TVP23A: variants seen among roughly 807,000 people sequenced by gnomAD.
TVP23A encodes the protein Golgi apparatus membrane protein TVP23 homolog A.
TVP23A carries 21 observed loss-of-function variants against 31.7 expected under a neutral mutation model. The observed-to-expected ratio is 0.66, with a 90% confidence interval of 0.47 to 0.95. The LOEUF is 0.95. Ranked by LOEUF, TVP23A falls within the 40% of genes least tolerant of loss-of-function variation. The pLI, the probability that TVP23A is intolerant of heterozygous loss-of-function variation, is 0.00. For synonymous variants in TVP23A, 104 were observed against 96.0 expected (o/e 1.08, Z -0.49); for missense variants, 279 against 255.6 (o/e 1.09, Z -0.62).
chr16:10,785,392 A>G lies in TVP23A; in HGVS notation c.90-10296T>C, dbSNP rs554278276. 1.9e-3 allele frequency among the ~76,000 whole-genome samples: 292 copies of G among 151,958 alleles called. 2 individuals are homozygous for G. Among genetic ancestry groups the G allele is most frequent in the Middle Eastern group, 6.8e-3 (2 of 294 alleles). ...GCACTCCAGCCTGGGTGACAGAGCA[A>G]GACTCCATCTCAAAAAAAAAAAGAG... On this transcript the variant is annotated intron_variant, in intron 2 of 7. Transcript: ENST00000299866.
Position 10,818,341 on chromosome 16 carries a change from A to C in TVP23A, c.9+144T>G. 7.2e-7 allele frequency: 1 copy of C among 1,385,644 alleles called. No homozygotes were observed. The highest frequency in any genetic ancestry group is 1.3e-5 in the South Asian group (1 of 78,176). 85.8% of individuals were successfully genotyped at this position (1,385,644 alleles called of 1,614,324 possible). ...CCCCTCCGCTGCGGCTGCAGTGCAA[A>C]GCCCTCTCCACCCTCCCGACCACCG... On this transcript the variant is annotated intron_variant, in intron 1 of 7. Transcript: ENST00000299866. This position sits in a 1 kb window ranked among gnomAD's most constrained non-coding sequence, Gnocchi z 4.7.
intron 2 of TVP23A, among the ~76,000 whole-genome samples, chr16:10,785,051 C>T (rs1286379316): frequency 6.7e-6 from 1 of 148,738 alleles, no homozygotes. Context: ...GTGCTGAGAT[C>T]ACAACACTAC....
chr16:10,815,256 A>C (rs2034387490), intron 2 of TVP23A, among the ~76,000 whole-genome samples: 1 of 152,124 alleles, frequency 6.6e-6, no homozygotes, highest in East Asian at 1.9e-4. Flanking sequence ...AACAAAAAAC[A>C]TAAAAATCAG....
chr16:10,811,869 A>C (rs1162438048), intron 2 of TVP23A, among the ~76,000 whole-genome samples: 1 of 144,774 alleles, frequency 6.9e-6, no homozygotes, highest in Non-Finnish European at 1.5e-5. Context: ...ACGCCACTGC[A>C]CTCCAGCCTG....
chr16:10,757,807 A>G, downstream of TVP23A: 3 of 1,572,056 alleles, frequency 1.9e-6, no homozygotes, highest in Non-Finnish European at 2.6e-6. This position sits in a 1 kb window ranked among gnomAD's most constrained non-coding sequence, Gnocchi z 4.1. Context: ...TTAAAAAAAA[A>G]AGAGGGAGTT....
chr16:10,780,081 C>A (rs1304636783), intron 2 of TVP23A, among the ~76,000 whole-genome samples: 1 of 147,548 alleles, frequency 6.8e-6, no homozygotes, highest in Admixed American at 6.9e-5. Flanking sequence ...GAGTGAGACT[C>A]CATCTCAAAA....
chr16:10,812,985 C>A (rs887096038), intron 2 of TVP23A, among the ~76,000 whole-genome samples: 5 of 152,012 alleles, frequency 3.3e-5, no homozygotes, highest in South Asian at 2.1e-4. Flanking sequence ...CTCTGTGTGC[C>A]CAGCTCTGCT....
intron 2 of TVP23A, among the ~76,000 whole-genome samples, chr16:10,778,467 C>A (rs1318677286): frequency 6.6e-6 from 1 of 152,162 alleles, no homozygotes; most frequent in East Asian, 1.9e-4. Context: ...TCCCTTGCCC[C>A]TGGAGATAAA....
intron 2 of TVP23A, among the ~76,000 whole-genome samples, chr16:10,816,901 AAAAG>A (rs938341301): frequency 6.7e-6 from 1 of 148,372 alleles, no homozygotes; most frequent in Non-Finnish European, 1.5e-5. Context: ...AAAATAAAAA[AAAAG>A]AAAGAGGCAC....
At position 10,784,560 on chromosome 16, in the gene TVP23A, C is replaced by CAA. The variant is rs372829313; in HGVS notation, c.90-9466_90-9465dup. 4.0e-3 allele frequency among the ~76,000 whole-genome samples: 562 copies of CAA among 140,262 alleles called. 7 individuals are homozygous for CAA. The highest frequency in any genetic ancestry group is 0.015 in the African/African-American group (519 of 35,114). The allele number at this position is 140,262 out of a possible 152,430, so 92.0% of individuals were successfully genotyped here. A position where few individuals can be genotyped will look rare whatever the true frequency, so the allele number is the denominator to read the frequency against. On this transcript the variant is annotated intron_variant, in intron 2 of 7. Transcript: ENST00000299866. The stretch of plus-strand genomic sequence containing the variant: ...TGGGCAACAGAGCAAGACCTTGTCT[C>CAA]AAAAAAAATAAATAAATAAAGAAGA...
Position 10,818,040 on chromosome 16 carries a change from G to A in TVP23A, c.89+63C>T, listed in dbSNP as rs535196885. On this transcript the variant is annotated intron_variant, in intron 2 of 7. Transcript: ENST00000299866. This position sits in a 1 kb window ranked among gnomAD's most constrained non-coding sequence, Gnocchi z 4.7. ...TGCTCAATATATTTTGAATGAATGA[G>A]TGAGTAAATGAATGAATTTGCAGCT... 1.5e-6 allele frequency: 2 copies of A among 1,353,170 alleles called. No homozygotes were observed. The highest frequency in any genetic ancestry group is 2.1e-6 in the Non-Finnish European group (2 of 962,798). 83.8% of individuals were successfully genotyped at this position (1,353,170 alleles called of 1,614,324 possible). A position where few individuals can be genotyped will look rare whatever the true frequency, so the allele number is the denominator to read the frequency against.
chr16:10,793,989 C>A (rs780975655), intron 2 of TVP23A, among the ~76,000 whole-genome samples: 2 of 150,406 alleles, frequency 1.3e-5, no homozygotes, highest in Non-Finnish European at 3.0e-5. Flanking sequence ...CCAGCACACT[C>A]GGTATCTGGT....
intron 2 of TVP23A, among the ~76,000 whole-genome samples, chr16:10,792,279 T>C (rs1352736179): frequency 6.6e-6 from 1 of 152,182 alleles, no homozygotes; most frequent in African/African-American, 2.4e-5. Context: ...CCCCAGGTAT[T>C]TACCACAGAC....
At chr16:10,778,760 G>A (rs1190228671) in intron 2 of TVP23A, among the ~76,000 whole-genome samples, 1 of 152,056 alleles carries the variant, frequency 6.6e-6, no homozygotes, top group East Asian at 1.9e-4. Context: ...GAAGTCAGGA[G>A]TTCGAGACCA....
At chr16:10,759,353 A>C (rs1363521422), downstream of TVP23A, among the ~76,000 whole-genome samples, 1 of 152,240 alleles carries the variant, frequency 6.6e-6, no homozygotes, top group Non-Finnish European at 1.5e-5. The surrounding 1 kb of genome is among the most constrained non-coding windows in gnomAD (Gnocchi z 4.7). Context: ...GAGAGGGGAC[A>C]TGGGGACGCA....
intron 6 of TVP23A, 28 bp downstream of exon 6, chr16:10,771,642 G>C (rs749407128): frequency 1.2e-4 from 188 of 1,613,268 alleles, no homozygotes; most frequent in Non-Finnish European, 1.5e-4. Flanking sequence ...GAGAGGAGTG[G>C]TCCAAGAGTC....
At position 10,767,474 on chromosome 16, in the gene TVP23A, G is replaced by A. The variant is rs796569010; in HGVS notation, c.*1628C>T. Reference sequence around the variant, plus strand: ...GTATTTTAGGTATATGAGAGTGTGTGTATGTGTGTGCGCACACATGCAAGT... The same window carrying A: ...GTATTTTAGGTATATGAGAGTGTGTATATGTGTGTGCGCACACATGCAAGT... On this transcript the variant is annotated 3_prime_UTR_variant, in exon 8 of 8. Transcript: ENST00000299866. The surrounding 1 kb of genome is among the most constrained non-coding windows in gnomAD (Gnocchi z 4.6). 1 of 403,226 alleles carries A rather than the reference G, an allele frequency of 2.5e-6. No individual in the cohort carries two copies. The highest frequency in any genetic ancestry group is 2.1e-5 in the African/African-American group (1 of 47,740). 25.0% of individuals were successfully genotyped at this position (403,226 alleles called of 1,614,324 possible).
At chr16:10,761,455 T>G (rs1309069493) in exon 9 of TVP23A, 1 of 1,614,022 alleles carries the variant, frequency 6.2e-7, no homozygotes. Context: ...ATGAGTGGCT[T>G]CATCTGTCCT....
At chr16:10,791,732 T>C (rs140575354) in intron 2 of TVP23A, among the ~76,000 whole-genome samples, 3,135 of 152,248 alleles carry the variant, frequency 0.021, 108 homozygotes, top group African/African-American at 0.071. Flanking sequence ...CTCAGCCTCC[T>C]GAGTAGCTGG....
Sources: allele counts gnomAD v4.1 joint callset (sites outside exome capture counted in the v4.1 genomes callset), GRCh38; gene constraint gnomAD v4.1.1; non-coding constraint Gnocchi (gnomAD v3.1); transcripts MANE v1.5; gene names NCBI Gene and HGNC (gene_info 2026-07-23, HGNC 2026-07-21).